The following OR8J3 variants were observed in gnomAD, a reference collection of about 807,000 sequenced individuals.
The protein encoded by OR8J3 is olfactory receptor 8J3.
For synonymous variants in OR8J3, 170 were observed against 142.6 expected, an observed-to-expected ratio of 1.19 and a Z score of -1.37; for missense variants, 418 against 379.8, an observed-to-expected ratio of 1.10 and a Z score of -0.84.
Position 56,135,030 on chromosome 11 carries a change from A to G in OR8J3, c.*1741T>C. 1 of 152,030 alleles carries G rather than the reference A, an allele frequency of 6.6e-6. No individual in the cohort carries two copies. The highest frequency in any genetic ancestry group is 1.5e-5 in the Non-Finnish European group (1 of 67,876). The allele number at this position is 152,030 out of a possible 1,614,324, so 9.4% of individuals were successfully genotyped here. ...TTAATTAAAAACCCGACATCAATAT[A>G]TATAGATCTGGTAAAATTCATTATA... is the stretch of plus-strand genomic sequence containing the variant. On this transcript the variant is annotated 3_prime_UTR_variant, in exon 2 of 2. Coordinates refer to ENST00000642058, the MANE Select transcript of OR8J3 (RefSeq NM_001004064.2).
rs1253879742 is a variant in OR8J3 at position 56,137,835 on chromosome 11, T to C, written c.-117A>G. The C allele has an allele frequency of 5.1e-6, 4 of 782,172 alleles. No homozygotes were observed. The highest frequency in any genetic ancestry group is 3.5e-5 in the African/African-American group (2 of 57,336). The allele number at this position is 782,172 out of a possible 1,614,324, so 48.5% of individuals were successfully genotyped here. ...GGACAATTCCTGGGTGTGATCTTCT[T>C]GTCATGTATTAATCTAATTCAGTTA... On this transcript the variant is annotated 5_prime_UTR_variant, in exon 2 of 2. Coordinates refer to ENST00000642058, the MANE Select transcript of OR8J3 (RefSeq NM_001004064.2).
At position 56,135,053 on chromosome 11, in the gene OR8J3, A is replaced by G. The variant is rs1459668248; in HGVS notation, c.*1718T>C. 6.6e-6 allele frequency: 1 copy of G among 152,154 alleles called. No homozygotes were observed. Among genetic ancestry groups the G allele is most frequent in the Admixed American group, 6.5e-5 (1 of 15,276 alleles). The allele number at this position is 152,154 out of a possible 1,614,324, so 9.4% of individuals were successfully genotyped here. On this transcript the variant is annotated 3_prime_UTR_variant, in exon 2 of 2. Transcript: ENST00000642058. ...ATATATAGATCTGGTAAAATTCATT[A>G]TATTTCATTTGTCATATTTGGCTAC...
chr11:56,139,631 A>G (rs1306038113), intron 1 of OR8J3, among the ~76,000 whole-genome samples: 1 of 152,260 alleles, frequency 6.6e-6, no homozygotes, highest in African/African-American at 2.4e-5. Flanking sequence ...ATAATTGCAG[A>G]TTTAAATAAG....
rs1008231775 is a variant in OR8J3 at position 56,137,309 on chromosome 11, G to A, written c.410C>T (p.Ser137Phe). ...CNPLLYMVVV[S>F]RRLCLLLVSL... ...CACCAGCAGGAGGCAGAGCCGCCGA[G>A]ACACCACCACCATGTAGAGCAGAGG... The change falls in exon 2 of 2, where the codon TCT (serine) becomes TTT (phenylalanine). Residue 137 changes from serine (S) to phenylalanine (F), a missense_variant. Ser to Phe is a radical substitution (Grantham distance 155). Coordinates refer to ENST00000642058, the MANE Select transcript of OR8J3 (RefSeq NM_001004064.2). 6.2e-7 allele frequency: 1 copy of A among 1,613,912 alleles called. No homozygotes were observed. Among genetic ancestry groups the A allele is most frequent in the Non-Finnish European group, 8.5e-7 (1 of 1,180,002 alleles).
chr11:56,139,173 G>C (rs1854365326), intron 1 of OR8J3, among the ~76,000 whole-genome samples: 1 of 152,088 alleles, frequency 6.6e-6, no homozygotes, highest in Non-Finnish European at 1.5e-5. Context: ...GTCCAAATAA[G>C]TCTTATCATA....
In OR8J3 at chr11:56,135,291, G is replaced by A. The variant is rs1376046167; in HGVS notation, c.*1480C>T. The stretch of plus-strand genomic sequence containing the variant: ...TTTTATAAAAAAAAAAATTATGATG[G>A]AAATGTAATGCACAGTAAAAATGGG... On this transcript the variant is annotated 3_prime_UTR_variant, in exon 2 of 2. Transcript: ENST00000642058. 2 of 151,720 alleles carry A rather than the reference G, an allele frequency of 1.3e-5. No homozygotes were observed. Among genetic ancestry groups the A allele is most frequent in the African/African-American group, 4.8e-5 (2 of 41,358 alleles). The allele number at this position is 151,720 out of a possible 1,614,324, so 9.4% of individuals were successfully genotyped here.
chr11:56,137,077 A>T lies in OR8J3; in HGVS notation c.642T>A (p.Val214=). The change falls in exon 2 of 2, where the codon GTT becomes GTA. Residue 214 remains valine (V), a synonymous_variant. Transcript: ENST00000642058. The stretch of plus-strand genomic sequence containing the variant: ...AAACAATATTGAAATAAGATACTAG[A>T]ACTGTAATCATGGAAAAAACCAAAT... The part of the protein sequence containing the change: ...ATNLVFSMIT[V]LVSYFNIVLS... 1 of 1,613,820 alleles carries T rather than the reference A, an allele frequency of 6.2e-7. No individual in the cohort carries two copies. Among genetic ancestry groups the T allele is most frequent in the Non-Finnish European group, 8.5e-7 (1 of 1,179,944 alleles).
rs898854221 is a variant in OR8J3 at position 56,136,548 on chromosome 11, C to T, written c.*223G>A. On this transcript the variant is annotated 3_prime_UTR_variant, in exon 2 of 2. Transcript: ENST00000642058. ...TCCTTACTCCTGAAAATATTTTATT[C>T]AAACTGGTTACCTGATTATTTCTGG... The T allele has an allele frequency of 3.2e-6, 1 of 313,916 alleles. No individual in the cohort carries two copies. Among genetic ancestry groups the T allele is most frequent in the Non-Finnish European group, 5.7e-6 (1 of 174,554 alleles). The allele number at this position is 313,916 out of a possible 1,614,324, so 19.4% of individuals were successfully genotyped here.
intron 1 of OR8J3, among the ~76,000 whole-genome samples, chr11:56,139,359 T>TA (rs1277954546): frequency 0.012 from 1,733 of 150,254 alleles, 29 homozygotes; most frequent in African/African-American, 0.039. Context: ...AGTGACTACT[T>TA]AAAAAAAGAA....
At position 56,137,798 on chromosome 11, in the gene OR8J3, A is replaced by G. The variant is rs887629443; in HGVS notation, c.-80T>C. On this transcript the variant is annotated 5_prime_UTR_variant, in exon 2 of 2. Transcript: ENST00000642058. ...TAAGGAATCATTTTCTAGGATTTCC[A>G]CTAGATGGCAAGGACAATTCCTGGG... 5 of 1,185,908 alleles carry G rather than the reference A, an allele frequency of 4.2e-6. No individual in the cohort carries two copies. The African/African-American group carries it at 6.1e-5, about 15-fold the overall frequency. The allele number at this position is 1,185,908 out of a possible 1,614,324, so 73.5% of individuals were successfully genotyped here.
chr11:56,136,918 T>C lies in OR8J3; in HGVS notation c.801A>G (p.Ser267=). ...CAGAAGCCATCTTATCAGTATCCAG[T>C]GAGTGGTTGGTTTGGGGCTGCAAAT... ...FMYLQPQTNH[S]LDTDKMASVF... The change falls in exon 2 of 2, where the codon TCA becomes TCG. Residue 267 remains serine, a synonymous_variant. Transcript: ENST00000642058. 6.2e-7 allele frequency: 1 copy of C among 1,614,046 alleles called. No homozygotes were observed. Among genetic ancestry groups the C allele is most frequent in the Non-Finnish European group, 8.5e-7 (1 of 1,179,980 alleles).
chr11:56,139,537 A>G (rs988603439), intron 1 of OR8J3, among the ~76,000 whole-genome samples: 2 of 152,210 alleles, frequency 1.3e-5, no homozygotes, highest in Admixed American at 1.3e-4. Context: ...CGAGCTTCAG[A>G]TAAATTACCT....
Position 56,138,297 on chromosome 11 carries a change from C to A in OR8J3, c.-579G>T, listed in dbSNP as rs944203335. On this transcript the variant is annotated 5_prime_UTR_variant, in exon 2 of 2. Coordinates refer to ENST00000642058, the MANE Select transcript of OR8J3 (RefSeq NM_001004064.2). The stretch of plus-strand genomic sequence containing the variant: ...TCTCTTTCCATTTTATTAACTCAAA[C>A]AAAAATACATGGATAAATCTCTTCA... 3 of 152,168 alleles carry A rather than the reference C, an allele frequency of 2.0e-5. No individual in the cohort carries two copies. Among genetic ancestry groups the A allele is most frequent in the African/African-American group, 7.2e-5 (3 of 41,414 alleles). The allele number at this position is 152,168 out of a possible 1,614,324, so 9.4% of individuals were successfully genotyped here.
rs147104612 is a variant in OR8J3 at position 56,136,999 on chromosome 11, G to A, written c.720C>T (p.Thr240=). ...TGACTGCTATCATATGCGAAGCGCA[G>A]GTGGAAAAGGCTTTTTTCCTTCCTT... ...SPEGRKKAFS[T]CASHMIAVTV... Residue 240 remains threonine (T), a synonymous_variant, in exon 2 of 2, where the codon ACC becomes ACT. Transcript: ENST00000642058. 1 of 1,613,362 alleles carries A rather than the reference G, an allele frequency of 6.2e-7. No homozygotes were observed. Among genetic ancestry groups the A allele is most frequent in the East Asian group, 2.2e-5 (1 of 44,854 alleles).
chr11:56,138,997 T>C (rs1854363796), intron 1 of OR8J3, among the ~76,000 whole-genome samples: 1 of 152,156 alleles, frequency 6.6e-6, no homozygotes, highest in Non-Finnish European at 1.5e-5. Context: ...TTGAGGGTTT[T>C]TATGATAATT....
In OR8J3 at chr11:56,135,584, TATC is replaced by T. The variant is rs1271590849; in HGVS notation, c.*1184_*1186del. The T allele has an allele frequency of 2.0e-5, 3 of 152,024 alleles. No homozygotes were observed. Among genetic ancestry groups the T allele is most frequent in the African/African-American group, 7.2e-5 (3 of 41,444 alleles). 9.4% of individuals were successfully genotyped at this position (152,024 alleles called of 1,614,324 possible). ...TATTCATATCATTCATAATTATTCATATCATAATTATTCATACCATATCATAAT... is the reference window on the plus strand; with the variant it reads ...TATTCATATCATTCATAATTATTCATATAATTATTCATACCATATCATAAT... On this transcript the variant is annotated 3_prime_UTR_variant, in exon 2 of 2. Transcript: ENST00000642058.
intron 1 of OR8J3, 41 bp from the exon 2 acceptor site, chr11:56,138,538 C>G (rs1854358288): frequency 6.6e-6 from 1 of 152,010 alleles, no homozygotes; most frequent in Non-Finnish European, 1.5e-5. Flanking sequence ...AGCCGTGCGT[C>G]GTGGCGGGCG....
At position 56,137,752 on chromosome 11, in the gene OR8J3, A is replaced by C. The variant is rs1854350578; in HGVS notation, c.-34T>G. ...TTGGAAATTCATCTGTTTGAGGAAG[A>C]AAATAAGTGGTTATAGACGTTAAGG... is the stretch of plus-strand genomic sequence containing the variant. On this transcript the variant is annotated 5_prime_UTR_variant, in exon 2 of 2. Transcript: ENST00000642058. The C allele has an allele frequency of 6.5e-7, 1 of 1,534,106 alleles. No individual in the cohort carries two copies. Among genetic ancestry groups the C allele is most frequent in the African/African-American group, 1.4e-5 (1 of 72,156 alleles).
Position 56,138,076 on chromosome 11 carries a change from T to C in OR8J3, c.-358A>G. The C allele has an allele frequency of 4.7e-6, 1 of 212,476 alleles. No homozygotes were observed. The highest frequency in any genetic ancestry group is 2.3e-5 in the African/African-American group (1 of 43,388). The allele number at this position is 212,476 out of a possible 1,614,324, so 13.2% of individuals were successfully genotyped here. A position where few individuals can be genotyped will look rare whatever the true frequency, so the allele number is the denominator to read the frequency against. The stretch of plus-strand genomic sequence containing the variant: ...ATGTATCTGATGATTTTTGCACTGA[T>C]CATGAGAAAGGCTTAAGAAATTGTA... On this transcript the variant is annotated 5_prime_UTR_variant, in exon 2 of 2. Coordinates refer to ENST00000642058, the MANE Select transcript of OR8J3 (RefSeq NM_001004064.2).
Sources: gnomAD v4.1 joint callset for allele counts (sites outside exome capture counted in the v4.1 genomes callset) on GRCh38, gnomAD v4.1.1 for gene constraint, MANE v1.5 for transcripts, NCBI Gene and HGNC (gene_info 2026-07-23, HGNC 2026-07-21) for gene names.